The following FAM117B variants were observed in gnomAD, a reference collection of about 807,000 sequenced individuals.
The protein encoded by FAM117B is protein FAM117B.
A neutral mutation model predicts 52.8 loss-of-function variants in FAM117B; 22 were observed. The ratio of observed to expected loss-of-function variants is 0.42; its 90% confidence interval spans 0.30 to 0.59. FAM117B has a LOEUF of 0.59. Among genes scored for constraint, FAM117B ranks in the 20% least tolerant of loss-of-function variants. FAM117B has a pLI of 0.22. For synonymous variants in FAM117B, 309 were observed against 324.1 expected (o/e 0.95, Z 0.50); for missense variants, 678 against 802.6 (o/e 0.84, Z 1.88).
chr2:202,664,938 C>G (rs1029511955), intron 1 of FAM117B, among the ~76,000 whole-genome samples: 1 of 152,096 alleles, frequency 6.6e-6, no homozygotes, highest in Non-Finnish European at 1.5e-5. Context: ...GGAGGAGGCT[C>G]CACTGTGTTT....
chr2:202,643,313 A>C (rs1043542367), intron 1 of FAM117B, among the ~76,000 whole-genome samples: 7 of 152,178 alleles, frequency 4.6e-5, no homozygotes, highest in Admixed American at 2.0e-4. Context: ...AAGGTTATGG[A>C]AAATGCGAGA....
At position 202,755,591 on chromosome 2, in the gene FAM117B, A is replaced by G; in HGVS notation, c.1014A>G (p.Thr338=). 6.2e-7 allele frequency: 1 copy of G among 1,614,180 alleles called. No homozygotes were observed. Among genetic ancestry groups the G allele is most frequent in the Non-Finnish European group, 8.5e-7 (1 of 1,180,002 alleles). The change falls in exon 5 of 8, where the codon ACA becomes ACG. Residue 338 remains threonine (T), a synonymous_variant. Coordinates refer to ENST00000392238, the MANE Select transcript of FAM117B (RefSeq NM_173511.4). ...LIPVIPITKS[T]GSRFRNSVEG... ...CTGTAATTCCCATCACCAAATCAAC[A>G]GGCTCCCGGTTCCGGAATAGCGTGG...
At position 202,635,441 on chromosome 2, in the gene FAM117B, C is replaced by T. The variant is rs1224568146; in HGVS notation, c.254C>T (p.Pro85Leu). 55 of 1,201,104 alleles carry T rather than the reference C, an allele frequency of 4.6e-5. No individual in the cohort carries two copies. The highest frequency in any genetic ancestry group is 2.3e-4 in the Admixed American group (5 of 21,856). 74.4% of individuals were successfully genotyped at this position (1,201,104 alleles called of 1,614,324 possible). A position where few individuals can be genotyped will look rare whatever the true frequency, so the allele number is the denominator to read the frequency against. ...GPAGGGGGGG[P>L]RTASRSTSPT... is the part of the protein sequence containing the mutation. ...GCAGGCGGCGGCGGCGGCGGTGGCC[C>T]GCGCACCGCCTCGCGCAGCACCAGC... Residue 85 changes from proline (P) to leucine (L), a missense_variant, in exon 1 of 8, where the codon CCG becomes CTG. Physicochemically the swap from Pro to Leu is moderately conservative, Grantham distance 98. This residue lies in a region of FAM117B where 583 missense variants were observed against 644.8 expected (regional missense o/e 0.90). Transcript: ENST00000392238.
chr2:202,678,440 T>C (rs988533111), intron 1 of FAM117B, among the ~76,000 whole-genome samples: 34 of 152,344 alleles, frequency 2.2e-4, no homozygotes, highest in African/African-American at 7.9e-4. Context: ...CCTCTTAATA[T>C]GCAAATGCAG....
At chr2:202,716,115 G>A (rs1207089792) in intron 2 of FAM117B, among the ~76,000 whole-genome samples, 1 of 152,114 alleles carries the variant, frequency 6.6e-6, no homozygotes. Flanking sequence ...TTGTTGAATC[G>A]ACACCTTTAT....
chr2:202,669,484 T>C (rs900179583), intron 1 of FAM117B, among the ~76,000 whole-genome samples: 2 of 152,146 alleles, frequency 1.3e-5, no homozygotes, highest in Non-Finnish European at 2.9e-5. Flanking sequence ...AGTTTGCTTA[T>C]TTTCGGGAGT....
rs71030981 is a variant in FAM117B at position 202,659,604 on chromosome 2, C to CTTT, written c.601+23844_601+23846dup. On this transcript the variant is annotated intron_variant, in intron 1 of 7. Transcript: ENST00000392238. ...GAGATTACAGACGTGAGCCACCGTG[C>CTTT]TTTTTTTTTTTTTTTTTTTTTTTTT... Among the ~76,000 whole-genome samples, 133 of 62,304 alleles carry CTTT rather than the reference C, an allele frequency of 2.1e-3. 29 individuals carry two copies. Among genetic ancestry groups the CTTT allele is most frequent in the East Asian group, 0.016 (18 of 1,138 alleles). The allele number at this position is 62,304 out of a possible 152,430, so 40.9% of individuals were successfully genotyped here. A position where few individuals can be genotyped will look rare whatever the true frequency, so the allele number is the denominator to read the frequency against.
At chr2:202,675,027 G>C (rs1690354810) in intron 1 of FAM117B, among the ~76,000 whole-genome samples, 1 of 152,034 alleles carries the variant, frequency 6.6e-6, no homozygotes, top group African/African-American at 2.4e-5. Context: ...TTGAGACCAG[G>C]AGTTCAACAC....
chr2:202,661,745 GTC>G (rs1357407479), intron 1 of FAM117B, among the ~76,000 whole-genome samples: 2 of 151,946 alleles, frequency 1.3e-5, no homozygotes, highest in African/African-American at 4.8e-5. Flanking sequence ...GCAAAACCCC[GTC>G]TCTCGTAAAA....
intron 1 of FAM117B, among the ~76,000 whole-genome samples, chr2:202,641,322 G>C (rs1264985208): frequency 1.3e-5 from 2 of 152,198 alleles, no homozygotes; most frequent in Non-Finnish European, 2.9e-5. Context: ...TTGAAATGTA[G>C]GGTAATAGGG....
chr2:202,747,462 G>A (rs1691651649), intron 4 of FAM117B, among the ~76,000 whole-genome samples: 1 of 151,998 alleles, frequency 6.6e-6, no homozygotes. Context: ...ATCCAAACTG[G>A]AAGACAGAAA....
intron 4 of FAM117B, among the ~76,000 whole-genome samples, chr2:202,729,405 T>C (rs1282434383): frequency 6.6e-6 from 1 of 152,166 alleles, no homozygotes; most frequent in African/African-American, 2.4e-5. Flanking sequence ...GTTATTGTTT[T>C]GGTGGGTTCT....
In FAM117B at chr2:202,755,662, A is replaced by G; in HGVS notation, c.1085A>G (p.Glu362Gly). 2 of 1,612,562 alleles carry G rather than the reference A, an allele frequency of 1.2e-6. No individual in the cohort carries two copies. Residue 362 changes from glutamate (E) to glycine (G), a missense_variant, in exon 5 of 8, where the codon GAA becomes GGA. Physicochemically the swap from Glu to Gly is moderately conservative, Grantham distance 98. Coordinates refer to ENST00000392238, the MANE Select transcript of FAM117B (RefSeq NM_173511.4). ...EIEIIIKETG[E>G]KEEQLIPQDI... ...GAAATAATAATTAAAGAGACTGGGG[A>G]AAAGGAAGAGCAACTTATAGTAAGT...
chr2:202,707,071 G>C (rs529337090), intron 2 of FAM117B, among the ~76,000 whole-genome samples: 1 of 151,898 alleles, frequency 6.6e-6, no homozygotes, highest in African/African-American at 2.4e-5. Context: ...TTTTTTTAGG[G>C]TTTTGCTTGT....
rs56354620 is a variant in FAM117B at position 202,729,333 on chromosome 2, C to CA, written c.960+2983dup. On this transcript the variant is annotated intron_variant, in intron 4 of 7. Transcript: ENST00000392238. The stretch of plus-strand genomic sequence containing the variant: ...TGGGTGACAGAGTGAGACTCCATCT[C>CA]AAAAAAAAAAAAATTTAAAAAGAAA... 1.5e-3 allele frequency among the ~76,000 whole-genome samples: 210 copies of CA among 141,190 alleles called. 3 individuals are homozygous for CA. The South Asian group carries it at 0.018, about 12-fold the overall frequency. 92.6% of individuals were successfully genotyped at this position (141,190 alleles called of 152,430 possible).
intron 2 of FAM117B, among the ~76,000 whole-genome samples, chr2:202,709,402 A>C (rs1375600376): frequency 1.3e-5 from 2 of 152,052 alleles, no homozygotes; most frequent in African/African-American, 4.8e-5. Context: ...GGGTTTCATC[A>C]TATTGGTCAG....
Position 202,768,640 on chromosome 2 carries a change from C to T in FAM117B, c.*2876C>T, listed in dbSNP as rs1692023686. The T allele has an allele frequency of 6.6e-6, 1 of 152,360 alleles. No homozygotes were observed. The highest frequency in any genetic ancestry group is 1.5e-5 in the Non-Finnish European group (1 of 67,978). 9.4% of individuals were successfully genotyped at this position (152,360 alleles called of 1,614,324 possible). A position where few individuals can be genotyped will look rare whatever the true frequency, so the allele number is the denominator to read the frequency against. ...TTGATTTTTTTTTTAAATGGGTCTC[C>T]AGCTTTCCAGTGAAATGTGACACTC... On this transcript the variant is annotated 3_prime_UTR_variant, in exon 8 of 8. Transcript: ENST00000392238.
chr2:202,640,301 T>A (rs1390024965), intron 1 of FAM117B, among the ~76,000 whole-genome samples: 1 of 28,650 alleles, frequency 3.5e-5, no homozygotes, highest in Non-Finnish European at 7.5e-5. Flanking sequence ...ACAAAATATA[T>A]ATATATATAT....
chr2:202,690,264 T>C (rs544744918), intron 1 of FAM117B, among the ~76,000 whole-genome samples: 2 of 152,352 alleles, frequency 1.3e-5, no homozygotes, highest in Non-Finnish European at 2.9e-5. Flanking sequence ...AAAAAGCATG[T>C]GAATTTATTG....
Sources: gnomAD v4.1 joint callset for allele counts (sites outside exome capture counted in the v4.1 genomes callset) on GRCh38, gnomAD v4.1.1 for gene constraint, gnomAD v4.1.1 regional missense constraint, MANE v1.5 for transcripts, NCBI Gene and HGNC (gene_info 2026-07-23, HGNC 2026-07-21) for gene names.